Variants in GATAD2B observed in about 807,000 individuals in gnomAD.
GATAD2B encodes transcriptional repressor p66-beta.
Under a neutral mutation model 64.3 loss-of-function variants are expected in GATAD2B, and 8 were observed. The observed-to-expected ratio is 0.12, with a 90% CI of 0.07 to 0.22. The LOEUF (loss-of-function observed/expected upper bound fraction) is 0.22, where lower values mean the gene tolerates loss of function less well. GATAD2B is among the 10% of genes least tolerant of loss of function. The pLI, the probability that GATAD2B is intolerant of heterozygous loss-of-function variation, is 1.00. For synonymous variants in GATAD2B, 281 were observed against 271.3 expected (o/e 1.04, Z -0.35); for missense variants, 453 against 752.0 (o/e 0.60, Z 4.65).
At chr1:153,910,553 G>A (rs1678084595) in intron 1 of GATAD2B, among the ~76,000 whole-genome samples, 1 of 151,964 alleles carries the variant, frequency 6.6e-6, no homozygotes, top group South Asian at 2.1e-4. Context: ...CAGCCTGGCC[G>A]ACATGGTGAA....
At chr1:153,879,363 C>T (rs1266642787) in intron 1 of GATAD2B, among the ~76,000 whole-genome samples, 1 of 152,196 alleles carries the variant, frequency 6.6e-6, no homozygotes, top group Non-Finnish European at 1.5e-5. Flanking sequence ...GCATGAGCCA[C>T]CGCTCTCGGC....
intron 1 of GATAD2B, among the ~76,000 whole-genome samples, chr1:153,913,370 A>G (rs1225215207): frequency 6.6e-6 from 1 of 152,184 alleles, no homozygotes; most frequent in Non-Finnish European, 1.5e-5. Flanking sequence ...AAGAGAAACA[A>G]TGGTGAGTTT....
chr1:153,812,190 CTTTTTTTTT>C, intron 8 of GATAD2B, 58 bp from the exon 9 acceptor site: 1 of 610,910 alleles, frequency 1.6e-6, no homozygotes, highest in Non-Finnish European at 2.8e-6. Context: ...ACCCAATTTC[CTTTTTTTTT>C]TTTTTTTTTA....
intron 1 of GATAD2B, among the ~76,000 whole-genome samples, chr1:153,886,117 C>T (rs554730176): frequency 8.5e-5 from 13 of 152,182 alleles, no homozygotes; most frequent in Non-Finnish European, 1.9e-4. Flanking sequence ...CAAAAACAGT[C>T]GTTATCTTTG....
chr1:153,904,062 C>T (rs1384362588), intron 1 of GATAD2B, among the ~76,000 whole-genome samples: 1 of 152,008 alleles, frequency 6.6e-6, no homozygotes, highest in African/African-American at 2.4e-5. Flanking sequence ...GGGTGGATCA[C>T]GAGGTCAGGA....
At chr1:153,888,042 G>A (rs568768315) in intron 1 of GATAD2B, among the ~76,000 whole-genome samples, 6 of 151,140 alleles carry the variant, frequency 4.0e-5, no homozygotes, top group African/African-American at 1.2e-4. Context: ...AGCTGAGATC[G>A]CGCCACTGCA....
chr1:153,841,553 T>C (rs536914912), intron 1 of GATAD2B, among the ~76,000 whole-genome samples: 5 of 152,370 alleles, frequency 3.3e-5, no homozygotes, highest in East Asian at 1.9e-4. Flanking sequence ...TCATAGAGTA[T>C]GTAACTTTTA....
chr1:153,887,540 G>C (rs12045838), intron 1 of GATAD2B, among the ~76,000 whole-genome samples: 19,577 of 152,104 alleles, frequency 0.13, 1,740 homozygotes, highest in East Asian at 0.49. Flanking sequence ...CAAGAAATGA[G>C]AACAAGACTT....
intron 1 of GATAD2B, among the ~76,000 whole-genome samples, chr1:153,859,740 G>C (rs1359236145): frequency 6.6e-6 from 1 of 151,376 alleles, no homozygotes; most frequent in Non-Finnish European, 1.5e-5. Context: ...ATATGTCCTA[G>C]TTTGTATAGA....
At chr1:153,817,634 T>C (rs1674528668) in intron 5 of GATAD2B, 92 bp from the exon 6 acceptor site, 2 of 810,686 alleles carry the variant, frequency 2.5e-6, no homozygotes, top group Non-Finnish European at 3.7e-6. Flanking sequence ...CTGCCTATAA[T>C]ACATAGCTAA....
chr1:153,886,831 T>A (rs1570989608), intron 1 of GATAD2B, among the ~76,000 whole-genome samples: 1 of 152,094 alleles, frequency 6.6e-6, no homozygotes, highest in East Asian at 1.9e-4. Context: ...AGCACTGGGA[T>A]TACAGGCATG....
chr1:153,915,741 T>TAAAA (rs56236211), intron 1 of GATAD2B, among the ~76,000 whole-genome samples: 269 of 97,356 alleles, frequency 2.8e-3, no homozygotes, highest in East Asian at 4.9e-3. Flanking sequence ...CTTGTCTATA[T>TAAAA]AAAAAAAAAA....
chr1:153,815,296 AAAAAAAAAAAAG>A (rs1214789197), intron 7 of GATAD2B, among the ~76,000 whole-genome samples: 1 of 148,266 alleles, frequency 6.7e-6, no homozygotes, highest in Non-Finnish European at 1.5e-5. Context: ...AAAAAAACAA[AAAAAAAAAAAAG>A]AAAAGAGAAG....
chr1:153,835,024 G>GA (rs1675218759), intron 1 of GATAD2B, among the ~76,000 whole-genome samples: 1 of 151,990 alleles, frequency 6.6e-6, no homozygotes, highest in Non-Finnish European at 1.5e-5. Context: ...GAGGTGAGGG[G>GA]ATCGCATGAG....
At chr1:153,860,117 G>A (rs1047661713) in intron 1 of GATAD2B, among the ~76,000 whole-genome samples, 4 of 151,724 alleles carry the variant, frequency 2.6e-5, no homozygotes, top group African/African-American at 9.7e-5. Context: ...GTTCCACCAT[G>A]TTGGCCAGGC....
intron 1 of GATAD2B, among the ~76,000 whole-genome samples, chr1:153,915,686 G>C (rs555964587): frequency 4.1e-5 from 6 of 145,466 alleles, no homozygotes; most frequent in African/African-American, 1.3e-4. Flanking sequence ...AGTGAGCCGA[G>C]ATCGTGCCAC....
At chr1:153,862,117 CCTTT>C (rs1475721054) in intron 1 of GATAD2B, among the ~76,000 whole-genome samples, 3 of 123,954 alleles carry the variant, frequency 2.4e-5, no homozygotes, top group Non-Finnish European at 5.2e-5. Flanking sequence ...TACATTATAT[CCTTT>C]TTTTTTTTTT....
chr1:153,866,223 AAAT>A (rs1676471605), intron 1 of GATAD2B, among the ~76,000 whole-genome samples: 3 of 145,610 alleles, frequency 2.1e-5, no homozygotes, highest in Admixed American at 1.4e-4. Flanking sequence ...AAAAAAAAAA[AAAT>A]TCATAGCTCT....
intron 1 of GATAD2B, among the ~76,000 whole-genome samples, chr1:153,907,155 C>T (rs957063665): frequency 6.6e-6 from 1 of 152,152 alleles, no homozygotes. Flanking sequence ...GGATATATAT[C>T]CTATACGCAA....
Sources: allele counts gnomAD v4.1 joint callset (sites outside exome capture counted in the v4.1 genomes callset), GRCh38; gene constraint gnomAD v4.1.1; transcripts MANE v1.5; gene names NCBI Gene and HGNC (gene_info 2026-07-23, HGNC 2026-07-21).